The following SH3TC1 variants were observed in gnomAD, a reference collection of about 807,000 sequenced individuals.
The protein encoded by SH3TC1 is SH3 domain and tetratricopeptide repeat-containing protein 1.
SH3TC1 carries 135 observed loss-of-function variants against 117.3 expected under a neutral mutation model. That is an observed-to-expected ratio of 1.15 (90% confidence interval 1.00 to 1.33). SH3TC1 has a LOEUF of 1.33. Among genes scored for constraint, SH3TC1 ranks in the 40% most tolerant of loss-of-function variants. The pLI is 0.00. For missense variants in SH3TC1, 2,092 were observed against 1,794.3 expected (o/e 1.17, Z -3.00); for synonymous variants, 898 against 816.9 (o/e 1.10, Z -1.69).
Position 8,186,511 on chromosome 4 carries a change from G to A in SH3TC1, c.-57+4301G>A, listed in dbSNP as rs919852971. Among the ~76,000 whole-genome samples, 2 of 152,232 alleles carry A rather than the reference G, an allele frequency of 1.3e-5. No homozygotes were observed. The highest frequency in any genetic ancestry group is 2.4e-5 in the African/African-American group (1 of 41,464). On this transcript the variant is annotated intron_variant, in intron 1 of 16. Coordinates refer to the SH3TC1 transcript ENST00000508641. The surrounding 1 kb of genome is among the most constrained non-coding windows in gnomAD (Gnocchi z 5.2). ...AATAGCAGGTCCACGTTGGTTTACT[G>A]AATGTGACAGGTTACGCAGGTGTGA... is the stretch of plus-strand genomic sequence containing the variant.
intron 1 of SH3TC1, among the ~76,000 whole-genome samples, chr4:8,189,259 G>T (rs760958499): frequency 1.3e-5 from 2 of 152,254 alleles, no homozygotes; most frequent in Non-Finnish European, 2.9e-5. Flanking sequence ...AGAGAGCAAG[G>T]CCCGCCAGTC....
At position 8,214,511 on chromosome 4, in the gene SH3TC1, C is replaced by G. The variant is rs1163253095; in HGVS notation, c.412C>G (p.Gln138Glu). 5 of 1,613,984 alleles carry G rather than the reference C, an allele frequency of 3.1e-6. No homozygotes were observed. Among genetic ancestry groups the G allele is most frequent in the Non-Finnish European group, 4.2e-6 (5 of 1,179,980 alleles). Residue 138 changes from glutamine (Q) to glutamate (E), a missense_variant, in exon 5 of 18, where the codon CAG becomes GAG. Coordinates refer to ENST00000245105, the MANE Select transcript of SH3TC1 (RefSeq NM_018986.5). Reference sequence around the variant, plus strand: ...CAGGCTGCTGTCCATCCACAGTGACCAGGACCGGATCGTGGTGACGTTTAA... The same window carrying G: ...CAGGCTGCTGTCCATCCACAGTGACGAGGACCGGATCGTGGTGACGTTTAA... ...SARLLSIHSD[Q>E]DRIVVTFKTF...
In SH3TC1 at chr4:8,228,268, C is replaced by A. The variant is rs201637071; in HGVS notation, c.2574C>A (p.Ser858Arg). The change falls in exon 12 of 18, where the codon AGC becomes AGA. Residue 858 changes from serine (S) to arginine (R), a missense_variant. Coordinates refer to ENST00000245105, the MANE Select transcript of SH3TC1 (RefSeq NM_018986.5). Reference sequence around the variant, plus strand: ...CTGTCCGGGATGCAGTGGTGGCCAGCGAGGACCAGGAGGGCGTGATTGCCA... The same window carrying A: ...CTGTCCGGGATGCAGTGGTGGCCAGAGAGGACCAGGAGGGCGTGATTGCCA... ...LQSVRDAVVA[S>R]EDQEGVIANM... 7.4e-6 allele frequency: 12 copies of A among 1,611,960 alleles called. No homozygotes were observed. In the East Asian group the frequency reaches 2.7e-4, roughly 36 times the overall value.
At position 8,216,265 on chromosome 4, in the gene SH3TC1, T is replaced by C. The variant is rs751575157; in HGVS notation, c.628+8T>C. ...GCCTCCTCATCCAAGAAGGTGAGCG[T>C]TGCATGGGGTGATGGCCGAGATCCA... On this transcript the variant is annotated splice_region_variant and intron_variant, in intron 6 of 17. Transcript: ENST00000245105. 3 of 1,611,668 alleles carry C rather than the reference T, an allele frequency of 1.9e-6. No individual in the cohort carries two copies. The highest frequency in any genetic ancestry group is 1.3e-5 in the African/African-American group (1 of 74,970).
intron 16 of SH3TC1, chr4:8,236,896 G>A (rs561371992): frequency 3.7e-5 from 6 of 164,112 alleles, no homozygotes; most frequent in Non-Finnish European, 5.2e-5. Context: ...TAGAGAGAGG[G>A]AGCCCCAGAC....
rs1717223523 is a variant in SH3TC1, at chr4:8,186,402, G to A, written c.-57+4192G>A. On this transcript the variant is annotated intron_variant, in intron 1 of 16. Transcript: ENST00000508641. The surrounding 1 kb of genome is among the most constrained non-coding windows in gnomAD (Gnocchi z 5.2). ...ACGAGGTGATGAAACCAGACGTGGT[G>A]TCCCCCATGGGCTTCTGCGTGGAGC... 6.6e-6 allele frequency among the ~76,000 whole-genome samples: 1 copy of A among 152,194 alleles called. No homozygotes were observed. The highest frequency in any genetic ancestry group is 1.5e-5 in the Non-Finnish European group (1 of 68,040).
upstream of SH3TC1, among the ~76,000 whole-genome samples, chr4:8,194,969 G>A (rs998530459): frequency 2.6e-5 from 4 of 152,186 alleles, no homozygotes. Flanking sequence ...GTGCTGGAAG[G>A]ACTGGGATCT....
chr4:8,219,155 C>T (rs575640723), intron 8 of SH3TC1, among the ~76,000 whole-genome samples, 180 bp from the exon 9 acceptor site: 5 of 152,324 alleles, frequency 3.3e-5, no homozygotes, highest in Admixed American at 6.5e-5. Flanking sequence ...ATAAAAACAT[C>T]CCCTCTGAGG....
chr4:8,212,930 T>G, intron 4 of SH3TC1, 102 bp downstream of exon 4: 2 of 1,426,702 alleles, frequency 1.4e-6, no homozygotes, highest in South Asian at 2.9e-5. Flanking sequence ...GAGGCAGGCC[T>G]CAGAGAGCGA....
intron 9 of SH3TC1, among the ~76,000 whole-genome samples, chr4:8,219,859 G>A (rs994257841): frequency 6.6e-6 from 1 of 152,198 alleles, no homozygotes; most frequent in African/African-American, 2.4e-5. Flanking sequence ...GAGTTGTGGA[G>A]GCCAAAAGTC....
intron 4 of SH3TC1, among the ~76,000 whole-genome samples, chr4:8,213,955 C>G (rs932209873): frequency 6.6e-6 from 1 of 151,706 alleles, no homozygotes; most frequent in Admixed American, 6.6e-5. Context: ...TCTAATAGTA[C>G]CCCCCGACAC....
rs200362394 is a variant in SH3TC1 at position 8,228,485 on chromosome 4, C to G, written c.2791C>G (p.Arg931Gly). The G allele has an allele frequency of 1.2e-6, 2 of 1,610,366 alleles. No homozygotes were observed. Among genetic ancestry groups the G allele is most frequent in the African/African-American group, 1.3e-5 (1 of 74,934 alleles). Residue 931 changes from arginine (R) to glycine (G), a missense_variant, in exon 12 of 18, where the codon CGG (arginine) becomes GGG (glycine). Physicochemically the swap from Arg to Gly is moderately radical, Grantham distance 125. Transcript: ENST00000245105. The part of the protein sequence containing the change: ...LAQHYLLEAV[R>G]LFSRLPLGEC... The stretch of plus-strand genomic sequence containing the variant: ...CCAGCACTACCTCCTGGAGGCCGTG[C>G]GGCTGTTCTCGAGGCTGCCCCTTGG...
At chr4:8,218,403 C>T (rs1719534014) in intron 8 of SH3TC1, 56 bp downstream of exon 8, 10 of 1,360,880 alleles carry the variant, frequency 7.3e-6, no homozygotes, top group South Asian at 1.3e-5. Context: ...TAGGGAGCAG[C>T]ACCAACATTT....
Position 8,228,447 on chromosome 4 carries a change from C to A in SH3TC1, c.2753C>A (p.Ala918Asp). 1 of 1,604,570 alleles carries A rather than the reference C, an allele frequency of 6.2e-7. No homozygotes were observed. The highest frequency in any genetic ancestry group is 8.5e-7 in the Non-Finnish European group (1 of 1,175,504). ...NFGALCLHAG[A>D]SRLAQHYLLE... ...GGGGCCCTGTGCCTGCATGCGGGTG[C>A]CAGCAGGCTGGCCCAGCACTACCTC... is the stretch of plus-strand genomic sequence containing the variant. Residue 918 changes from alanine (A) to aspartate (D), a missense_variant, in exon 12 of 18, where the codon GCC becomes GAC. Transcript: ENST00000245105.
chr4:8,225,239 G>T lies in SH3TC1; in HGVS notation c.1285+23G>T. ...AAGGTGGGTTTTGCCAGTGGCTCAGGCTTCCTCTGGTTATGAGCTGGGCCT... is the reference window on the plus strand; with the variant it reads ...AAGGTGGGTTTTGCCAGTGGCTCAGTCTTCCTCTGGTTATGAGCTGGGCCT... On this transcript the variant is annotated intron_variant, in intron 11 of 17. Transcript: ENST00000245105. The surrounding 1 kb of genome is among the most constrained non-coding windows in gnomAD (Gnocchi z 5.5). 6.2e-7 allele frequency: 1 copy of T among 1,610,094 alleles called. No individual in the cohort carries two copies. The highest frequency in any genetic ancestry group is 1.1e-5 in the South Asian group (1 of 90,216).
chr4:8,202,072 T>G (rs1417884455), intron 1 of SH3TC1, among the ~76,000 whole-genome samples: 1 of 152,138 alleles, frequency 6.6e-6, no homozygotes, highest in Admixed American at 6.5e-5. Context: ...TTGAGACGCC[T>G]CCATGTGCTT....
intron 1 of SH3TC1, among the ~76,000 whole-genome samples, chr4:8,189,275 G>C (rs1257512703): frequency 6.6e-6 from 1 of 152,248 alleles, no homozygotes; most frequent in Admixed American, 6.5e-5. Flanking sequence ...CAGTCTCCTC[G>C]CTGGAGGAGC....
chr4:8,222,986 G>T lies in SH3TC1; in HGVS notation c.1243+16G>T, dbSNP rs1342567467. ...TACAGCCTGGGTGCGTGTGGGCGAT[G>T]CCTGTGGTGGGGCCACTGCCCTCCC... is the stretch of plus-strand genomic sequence containing the variant. On this transcript the variant is annotated intron_variant, in intron 10 of 17. Transcript: ENST00000245105. 1 of 1,602,666 alleles carries T rather than the reference G, an allele frequency of 6.2e-7. No homozygotes were observed. Among genetic ancestry groups the T allele is most frequent in the Non-Finnish European group, 8.5e-7 (1 of 1,172,346 alleles).
chr4:8,217,422 G>A (rs1232781640), intron 7 of SH3TC1, among the ~76,000 whole-genome samples: 1 of 152,258 alleles, frequency 6.6e-6, no homozygotes, highest in African/African-American at 2.4e-5. Context: ...GCTGGCACAG[G>A]AGATGTGGCA....
Sources: allele counts gnomAD v4.1 joint callset (sites outside exome capture counted in the v4.1 genomes callset), GRCh38; gene constraint gnomAD v4.1.1; non-coding constraint Gnocchi (gnomAD v3.1); transcripts MANE v1.5; gene names NCBI Gene and HGNC (gene_info 2026-07-23, HGNC 2026-07-21).